KLF3: variants seen among roughly 807,000 people sequenced by gnomAD.
KLF3 encodes Krueppel-like factor 3.
A neutral mutation model predicts 32.7 loss-of-function variants in KLF3; 6 were observed. That is an observed-to-expected ratio of 0.18 (90% CI 0.10 to 0.36). KLF3 has a LOEUF of 0.36. KLF3 is among the 10% of genes least tolerant of loss of function. The pLI is 1.00. For missense variants in KLF3, 338 were observed against 449.7 expected (o/e 0.75, Z 2.25); for synonymous variants, 145 against 172.8 (o/e 0.84, Z 1.26).
At chr4:38,672,639 C>G (rs2927270) in intron 1 of KLF3, among the ~76,000 whole-genome samples, 131,610 of 152,190 alleles carry the variant, frequency 0.86, 57,519 homozygotes, top group African/African-American at 0.97. Context: ...GGGGGCAGCT[C>G]GTGGGTAACG....
At chr4:38,669,759 G>C (rs1446494962) in intron 1 of KLF3, among the ~76,000 whole-genome samples, 3 of 151,718 alleles carry the variant, frequency 2.0e-5, no homozygotes, top group Non-Finnish European at 4.4e-5. Context: ...CGGGCGTGGT[G>C]GTGGGCGCCT....
rs1478038605 is a variant in KLF3 at position 38,672,604 on chromosome 4, G to A, written c.-39-7983G>A. Among the ~76,000 whole-genome samples, 8 of 152,240 alleles carry A rather than the reference G, an allele frequency of 5.3e-5. No individual in the cohort carries two copies. In the South Asian group the frequency reaches 6.2e-4, roughly 12 times the overall value. On this transcript the variant is annotated intron_variant, in intron 1 of 5. Coordinates refer to ENST00000261438, the MANE Select transcript of KLF3 (RefSeq NM_016531.6). ...AGGCCTGGGGGTGGGCAGGGCAGCC[G>A]GCATGAAGGGCACTTGTTGGAGCAG...
chr4:38,670,743 G>T (rs1418417101), intron 1 of KLF3, among the ~76,000 whole-genome samples: 1 of 152,208 alleles, frequency 6.6e-6, no homozygotes, highest in Admixed American at 6.5e-5. Flanking sequence ...TTCACCAGCC[G>T]CTGGACAGAG....
intron 1 of KLF3, among the ~76,000 whole-genome samples, chr4:38,668,773 T>A (rs898998622): frequency 6.6e-6 from 1 of 152,188 alleles, no homozygotes; most frequent in African/African-American, 2.4e-5. Flanking sequence ...CCCCAAATTC[T>A]TTCTTCTCTC....
At chr4:38,693,818 A>G (rs898153259) in intron 4 of KLF3, among the ~76,000 whole-genome samples, 1 of 152,184 alleles carries the variant, frequency 6.6e-6, no homozygotes, top group Non-Finnish European at 1.5e-5. Flanking sequence ...GAGGAACTTA[A>G]CAGACTTTTC....
At chr4:38,672,318 C>T (rs1326906478) in intron 1 of KLF3, among the ~76,000 whole-genome samples, 1 of 152,100 alleles carries the variant, frequency 6.6e-6, no homozygotes, top group African/African-American at 2.4e-5. Flanking sequence ...GGAGGGAGCC[C>T]TCTCAGGAAG....
intron 1 of KLF3, among the ~76,000 whole-genome samples, chr4:38,669,873 A>G (rs1015030682): frequency 7.5e-6 from 1 of 133,094 alleles, no homozygotes; most frequent in Non-Finnish European, 1.6e-5. Context: ...AGCCTGGGCA[A>G]CAAGAGTGAG....
At position 38,701,103 on chromosome 4, in the gene KLF3, A is replaced by T. The variant is rs1158953166; in HGVS notation, c.*3840A>T. 1 of 152,222 alleles carries T rather than the reference A, an allele frequency of 6.6e-6. No homozygotes were observed. Among genetic ancestry groups the T allele is most frequent in the Non-Finnish European group, 1.5e-5 (1 of 68,034 alleles). The allele number at this position is 152,222 out of a possible 1,614,324, so 9.4% of individuals were successfully genotyped here. ...TAGAGCAAAACTTACAGAGCAATGT[A>T]AGAACCCTTGCTTAGAACATTACTT... On this transcript the variant is annotated 3_prime_UTR_variant, in exon 6 of 6. Coordinates refer to ENST00000261438, the MANE Select transcript of KLF3 (RefSeq NM_016531.6).
At position 38,688,839 on chromosome 4, in the gene KLF3, A is replaced by T. The variant is rs767752575; in HGVS notation, c.312A>T (p.Ile104=). 11 of 1,614,096 alleles carry T rather than the reference A, an allele frequency of 6.8e-6. No homozygotes were observed. The South Asian group carries it at 9.9e-5, about 15-fold the overall frequency. Residue 104 remains isoleucine, a synonymous_variant, in exon 3 of 6, where the codon ATA becomes ATT. Coordinates refer to ENST00000261438, the MANE Select transcript of KLF3 (RefSeq NM_016531.6). The surrounding 1 kb of genome is among the most constrained non-coding windows in gnomAD (Gnocchi z 4.9). ...GLSMPSSSPP[I]KKYSPPSPGV... is the part of the protein sequence containing the mutation. ...GCATGCCTTCTTCCAGCCCACCGAT[A>T]AAAAAATACTCACCCCCTTCTCCAG...
chr4:38,667,924 G>A (rs927109510), intron 1 of KLF3, among the ~76,000 whole-genome samples: 2 of 152,084 alleles, frequency 1.3e-5, no homozygotes, highest in African/African-American at 4.8e-5. Flanking sequence ...AGAAAATCCC[G>A]GGATTATTTC....
intron 2 of KLF3, among the ~76,000 whole-genome samples, chr4:38,683,039 AT>A (rs1191633293): frequency 6.6e-6 from 1 of 152,212 alleles, no homozygotes; most frequent in Non-Finnish European, 1.5e-5. Context: ...ACTTAAACAA[AT>A]TAAAAAGCTT....
Position 38,688,975 on chromosome 4 carries a change from G to A in KLF3, c.448G>A (p.Val150Met). Reference protein sequence around the residue: ...GILPVIQPVVVQPVPFMYTSH... With the variant: ...GILPVIQPVVMQPVPFMYTSH... Reference sequence around the variant, plus strand: ...CCTGCCCGTCATCCAGCCGGTGGTGGTGCAGCCCGTCCCCTTTATGTACAC... The same window carrying A: ...CCTGCCCGTCATCCAGCCGGTGGTGATGCAGCCCGTCCCCTTTATGTACAC... The change falls in exon 3 of 6, where the codon GTG (valine) becomes ATG (methionine). Residue 150 changes from valine (V) to methionine (M), a missense_variant. By Grantham distance (21) the Val-to-Met change is conservative (BLOSUM62 1). Coordinates refer to ENST00000261438, the MANE Select transcript of KLF3 (RefSeq NM_016531.6). This position sits in a 1 kb window ranked among gnomAD's most constrained non-coding sequence, Gnocchi z 4.9. 6.2e-7 allele frequency: 1 copy of A among 1,614,264 alleles called. No homozygotes were observed. The highest frequency in any genetic ancestry group is 8.5e-7 in the Non-Finnish European group (1 of 1,180,050).
chr4:38,689,928 G>A, intron 4 of KLF3, 49 bp downstream of exon 4: 1 of 1,548,008 alleles, frequency 6.5e-7, no homozygotes. Flanking sequence ...TGTGCATCTT[G>A]GAACCTGGAG....
At chr4:38,696,114 G>C (rs546885901) in intron 5 of KLF3, among the ~76,000 whole-genome samples, 1 of 145,294 alleles carries the variant, frequency 6.9e-6, no homozygotes. Flanking sequence ...TGGGACCGAA[G>C]AGGTGGATGT....
In KLF3 at chr4:38,694,920, C is replaced by G. The variant is rs765299678; in HGVS notation, c.856+14C>G. The G allele has an allele frequency of 7.6e-6, 12 of 1,580,624 alleles. No individual in the cohort carries two copies. The highest frequency in any genetic ancestry group is 1.0e-5 in the Non-Finnish European group (12 of 1,169,330). On this transcript the variant is annotated intron_variant, in intron 5 of 5. Transcript: ENST00000261438. ...GAACACACACAGGTAATAGAAACACCAGACCCACTTCATCTTTCTTCTTAA... is the reference window on the plus strand; with the variant it reads ...GAACACACACAGGTAATAGAAACACGAGACCCACTTCATCTTTCTTCTTAA...
In KLF3 at chr4:38,685,961, T is replaced by G. The variant is rs141192258; in HGVS notation, c.58-2624T>G. ...ATAATACCCATCTTAATATTTAAAT[T>G]TAAATCTATTTAATACTTAATGTTG... On this transcript the variant is annotated intron_variant, in intron 2 of 5. Transcript: ENST00000261438. Among the ~76,000 whole-genome samples, 1,365 of 152,354 alleles carry G rather than the reference T, an allele frequency of 9.0e-3. 12 individuals carry two copies. The highest frequency in any genetic ancestry group is 0.016 in the Non-Finnish European group (1,071 of 68,030).
rs1722301301 is a variant in KLF3, at chr4:38,674,997, C to T, written c.-39-5590C>T. Among the ~76,000 whole-genome samples the T allele has an allele frequency of 6.6e-6, 1 of 152,242 alleles. No individual in the cohort carries two copies. The highest frequency in any genetic ancestry group is 2.4e-5 in the African/African-American group (1 of 41,464). On this transcript the variant is annotated intron_variant, in intron 1 of 5. Coordinates refer to ENST00000261438, the MANE Select transcript of KLF3 (RefSeq NM_016531.6). This position sits in a 1 kb window ranked among gnomAD's most constrained non-coding sequence, Gnocchi z 4.1. The stretch of plus-strand genomic sequence containing the variant: ...GCCCTGCAGCTCACCTGCAGCCCCG[C>T]TCCCCACTCCATAAAGCCATTGTGC...
chr4:38,681,449 T>C (rs1722522853), intron 2 of KLF3, among the ~76,000 whole-genome samples: 1 of 152,236 alleles, frequency 6.6e-6, no homozygotes, highest in Non-Finnish European at 1.5e-5. Flanking sequence ...TGGAAGAGTC[T>C]GGCTGGGTAG....
At chr4:38,691,932 G>A (rs1318447783) in intron 4 of KLF3, among the ~76,000 whole-genome samples, 3 of 152,156 alleles carry the variant, frequency 2.0e-5, no homozygotes, top group Admixed American at 6.5e-5. Context: ...CTTAAGAAAC[G>A]CTTCCTTTCC....
Sources: gnomAD v4.1 joint callset for allele counts (sites outside exome capture counted in the v4.1 genomes callset) on GRCh38, gnomAD v4.1.1 for gene constraint, Gnocchi (gnomAD v3.1) non-coding constraint, MANE v1.5 for transcripts, NCBI Gene and HGNC (gene_info 2026-07-23, HGNC 2026-07-21) for gene names.